CAST: variants seen among roughly 807,000 people sequenced by gnomAD.
CAST encodes the protein calpastatin.
A neutral mutation model predicts 119.6 loss-of-function variants in CAST; 76 were observed. That is an observed-to-expected ratio of 0.64 (90% CI 0.53 to 0.77). The LOEUF is 0.77. Among genes scored for constraint, CAST ranks in the 30% least tolerant of loss-of-function variants. The pLI is 0.00. For synonymous variants in CAST, 319 were observed against 331.6 expected (o/e 0.96, Z 0.41); for missense variants, 953 against 946.5 (o/e 1.01, Z -0.09).
chr5:96,362,645 T>C, the CAST span, among the ~76,000 whole-genome samples: 1 of 152,238 alleles, frequency 6.6e-6, no homozygotes, highest in South Asian at 2.1e-4. Context: ...TTCAGAGGTG[T>C]CTGTTCATAT....
At chr5:96,430,252 A>T in the CAST span, among the ~76,000 whole-genome samples, 35 of 152,198 alleles carry the variant, frequency 2.3e-4, no homozygotes, top group Admixed American at 2.3e-3. Flanking sequence ...CTTTTGAGCT[A>T]GTCTCCCTTT....
intron 1 of CAST, among the ~76,000 whole-genome samples, chr5:96,617,306 C>A (rs1747478741): frequency 6.6e-6 from 1 of 152,004 alleles, no homozygotes; most frequent in South Asian, 2.1e-4. Flanking sequence ...ATCTAGAAAC[C>A]TCAGGCTAGG....
At chr5:96,149,180 T>C in the CAST span, among the ~76,000 whole-genome samples, 5 of 152,220 alleles carry the variant, frequency 3.3e-5, no homozygotes, top group Non-Finnish European at 7.3e-5. Context: ...GAATGAGACT[T>C]GTCTGTGAGG....
chr5:96,047,340 G>A, the CAST span, among the ~76,000 whole-genome samples: 6 of 152,078 alleles, frequency 3.9e-5, no homozygotes, highest in Admixed American at 6.5e-5. Flanking sequence ...TTATTTTTTC[G>A]GGTGAATTAT....
At chr5:96,103,323 A>C in the CAST span, among the ~76,000 whole-genome samples, 1 of 147,996 alleles carries the variant, frequency 6.8e-6, no homozygotes, top group Non-Finnish European at 1.5e-5. Flanking sequence ...AGCATTAGGT[A>C]TATCTCCCAA....
chr5:96,561,918 G>A (rs1176344846), intron 1 of CAST, among the ~76,000 whole-genome samples: 1 of 135,536 alleles, frequency 7.4e-6, no homozygotes, highest in African/African-American at 2.6e-5. Context: ...TCAGCCTCCC[G>A]AGTAGCTGGG....
chr5:96,600,472 A>T (rs1040684412), intron 1 of CAST, among the ~76,000 whole-genome samples: 9 of 152,232 alleles, frequency 5.9e-5, no homozygotes, highest in African/African-American at 2.2e-4. Flanking sequence ...ACAAAAAATC[A>T]TTGATAACAG....
intron 20 of CAST, among the ~76,000 whole-genome samples, chr5:96,752,406 G>A (rs1159325927): frequency 6.6e-5 from 10 of 152,142 alleles, no homozygotes; most frequent in African/African-American, 2.2e-4. Context: ...GTGAGCAGGT[G>A]TCTTAAATCA....
the CAST span, among the ~76,000 whole-genome samples, chr5:96,022,068 G>A: frequency 1.3e-5 from 2 of 152,148 alleles, no homozygotes; most frequent in Non-Finnish European, 2.9e-5. Context: ...ATTGTGTTGG[G>A]TATTGTAAAG....
At chr5:96,366,208 G>C in the CAST span, among the ~76,000 whole-genome samples, 2 of 152,334 alleles carry the variant, frequency 1.3e-5, no homozygotes, top group South Asian at 4.1e-4. Flanking sequence ...CTGTTAGTCT[G>C]ATGGGCTTCC....
At chr5:96,027,715 T>C in the CAST span, among the ~76,000 whole-genome samples, 1 of 152,178 alleles carries the variant, frequency 6.6e-6, no homozygotes, top group Non-Finnish European at 1.5e-5. Flanking sequence ...ACAAGAACAT[T>C]ATTCTCATCA....
the CAST span, among the ~76,000 whole-genome samples, chr5:96,337,775 C>T: frequency 6.6e-6 from 1 of 152,202 alleles, no homozygotes; most frequent in African/African-American, 2.4e-5. Context: ...CAAATCTGGA[C>T]ATCTTTGGAC....
chr5:96,490,652 T>A, the CAST span, among the ~76,000 whole-genome samples: 2,884 of 152,062 alleles, frequency 0.019, 92 homozygotes, highest in African/African-American at 0.066. Context: ...GAAGTGGGGA[T>A]TTGTCATCAC....
the CAST span, among the ~76,000 whole-genome samples, chr5:96,025,619 A>G: frequency 6.6e-6 from 1 of 152,326 alleles, no homozygotes; most frequent in Admixed American, 6.5e-5. Flanking sequence ...GTTGCTTTCC[A>G]TGGAGGGAGG....
At chr5:96,546,244 T>A (rs1327147016) in intron 1 of CAST, 2 of 152,146 alleles carry the variant, frequency 1.3e-5, no homozygotes, top group African/African-American at 2.4e-5. Context: ...GTTTGGAACA[T>A]CCCAGGAGGC....
the CAST span, among the ~76,000 whole-genome samples, chr5:96,402,786 TC>T: frequency 1.3e-5 from 2 of 151,996 alleles, no homozygotes; most frequent in African/African-American, 4.8e-5. Context: ...TGAGCTGAGC[TC>T]CCGACAAACA....
intron 1 of CAST, among the ~76,000 whole-genome samples, chr5:96,602,622 T>C (rs1373259239): frequency 6.6e-6 from 1 of 152,098 alleles, no homozygotes; most frequent in East Asian, 1.9e-4. Context: ...TGGTGGTGCA[T>C]GCCTGTAATC....
the CAST span, among the ~76,000 whole-genome samples, chr5:96,169,683 G>T: frequency 6.6e-6 from 1 of 152,102 alleles, no homozygotes; most frequent in East Asian, 1.9e-4. Context: ...ATGGTAAGGG[G>T]TGCATGATCG....
chr5:96,581,869 C>T (rs1356824983), intron 1 of CAST, among the ~76,000 whole-genome samples: 3 of 149,806 alleles, frequency 2.0e-5, no homozygotes, highest in Middle Eastern at 3.2e-3. Flanking sequence ...CCAGCCTGGG[C>T]GACAGAGCGA....
Sources: gnomAD v4.1 joint callset for allele counts (sites outside exome capture counted in the v4.1 genomes callset) on GRCh38, gnomAD v4.1.1 for gene constraint, MANE v1.5 for transcripts, NCBI Gene and HGNC (gene_info 2026-07-23, HGNC 2026-07-21) for gene names.